The following CDH13 variants were observed in gnomAD, a reference collection of about 807,000 sequenced individuals.
CDH13 encodes the protein cadherin 13, also known as cadherin-13.
A neutral mutation model predicts 63.8 loss-of-function variants in CDH13; 24 were observed. The observed-to-expected ratio is 0.38, with a 90% CI of 0.27 to 0.53. The LOEUF is 0.53. Ranked by LOEUF, CDH13 falls within the 20% of genes least tolerant of loss-of-function variation. The probability of loss-of-function intolerance (pLI) is 0.85; values close to 1 mark genes in which losing one functional copy is unlikely to be tolerated. For synonymous variants in CDH13, 503 were observed against 355.3 expected (o/e 1.42, Z -4.67); for missense variants, 1,049 against 903.1 (o/e 1.16, Z -2.07).
At chr16:82,863,255 C>T (rs1797274714) in intron 2 of CDH13, among the ~76,000 whole-genome samples, 1 of 152,138 alleles carries the variant, frequency 6.6e-6, no homozygotes, top group Non-Finnish European at 1.5e-5. Flanking sequence ...AGAGCAAGGT[C>T]GTGCACCTGC....
At chr16:83,099,859 G>T (rs528021524) in intron 3 of CDH13, among the ~76,000 whole-genome samples, 128 of 152,260 alleles carry the variant, frequency 8.4e-4, no homozygotes, top group African/African-American at 2.9e-3. Flanking sequence ...CTCAGTAAGA[G>T]TGAGGAGGTG....
At chr16:83,051,551 C>G (rs563203714) in intron 3 of CDH13, among the ~76,000 whole-genome samples, 1 of 152,296 alleles carries the variant, frequency 6.6e-6, no homozygotes, top group East Asian at 1.9e-4. Context: ...ACAGAAACAT[C>G]ATATACTTAC....
chr16:83,034,269 G>C (rs1222455385), intron 3 of CDH13, among the ~76,000 whole-genome samples: 1 of 152,074 alleles, frequency 6.6e-6, no homozygotes, highest in East Asian at 1.9e-4. Flanking sequence ...TCATTTAGTG[G>C]TGTTTCTGAG....
At chr16:82,891,717 G>A (rs1193895321) in intron 2 of CDH13, among the ~76,000 whole-genome samples, 2 of 152,152 alleles carry the variant, frequency 1.3e-5, no homozygotes, top group South Asian at 4.1e-4. Flanking sequence ...TACTGTCGTG[G>A]TTCTCACCTA....
At chr16:83,131,015 T>A (rs998290948) in intron 4 of CDH13, among the ~76,000 whole-genome samples, 1 of 152,192 alleles carries the variant, frequency 6.6e-6, no homozygotes, top group Non-Finnish European at 1.5e-5. Context: ...TCTTGACTGA[T>A]ACATAATTTA....
At chr16:82,968,615 T>G (rs1908221580) in intron 2 of CDH13, among the ~76,000 whole-genome samples, 1 of 152,206 alleles carries the variant, frequency 6.6e-6, no homozygotes, top group Non-Finnish European at 1.5e-5. Context: ...AACATGGATT[T>G]AGATTCCAAG....
chr16:82,996,839 G>T lies in CDH13; in HGVS notation c.158-35171G>T, dbSNP rs562718087. Among the ~76,000 whole-genome samples the T allele has an allele frequency of 1.9e-4, 29 of 152,092 alleles. 1 individual carries two copies. The highest frequency in any genetic ancestry group is 6.0e-4 in the African/African-American group (25 of 41,502). ...TGATGATGATAGTGATGGTGATGGT[G>T]GTGATAGTAATGATTACGGTGGTGG... On this transcript the variant is annotated intron_variant, in intron 2 of 13. Transcript: ENST00000567109.
intron 2 of CDH13, among the ~76,000 whole-genome samples, chr16:82,894,418 G>T (rs1210113304): frequency 6.6e-6 from 1 of 152,118 alleles, no homozygotes; most frequent in African/African-American, 2.4e-5. Flanking sequence ...GAGGCGAGTG[G>T]ATCACCTGAA....
chr16:83,785,177 A>G (rs1048788651), intron 13 of CDH13, among the ~76,000 whole-genome samples: 7 of 152,236 alleles, frequency 4.6e-5, no homozygotes, highest in Non-Finnish European at 8.8e-5. Flanking sequence ...CATTCGGGCT[A>G]CTATAACAAA....
intron 3 of CDH13, among the ~76,000 whole-genome samples, chr16:83,045,555 C>T (rs552168678): frequency 4.7e-5 from 7 of 148,128 alleles, no homozygotes; most frequent in Admixed American, 6.8e-5. Context: ...GAGAATCGCT[C>T]GAACTCAGGA....
At chr16:83,371,884 G>C (rs370798603) in intron 6 of CDH13, among the ~76,000 whole-genome samples, 13 of 152,050 alleles carry the variant, frequency 8.5e-5, no homozygotes, top group African/African-American at 2.9e-4. Context: ...TGTATTTAAA[G>C]GAACAAGAAC....
intron 6 of CDH13, among the ~76,000 whole-genome samples, chr16:83,370,915 T>C (rs930763747): frequency 3.3e-5 from 5 of 152,204 alleles, no homozygotes; most frequent in African/African-American, 4.8e-5. Flanking sequence ...CTACTGTGAA[T>C]AGTGCTGCAG....
At chr16:83,377,583 A>T (rs1357154659) in intron 6 of CDH13, among the ~76,000 whole-genome samples, 1 of 152,194 alleles carries the variant, frequency 6.6e-6, no homozygotes, top group African/African-American at 2.4e-5. Context: ...CAAATTTTCT[A>T]ACATGCAACC....
At chr16:83,696,886 G>T (rs557466530) in intron 10 of CDH13, among the ~76,000 whole-genome samples, 3 of 152,080 alleles carry the variant, frequency 2.0e-5, no homozygotes, top group African/African-American at 4.8e-5. Flanking sequence ...AAGCCCTTCA[G>T]TGCCTCCCAT....
At chr16:83,139,647 A>G (rs900186255) in intron 4 of CDH13, among the ~76,000 whole-genome samples, 6 of 152,074 alleles carry the variant, frequency 3.9e-5, no homozygotes, top group African/African-American at 1.2e-4. Context: ...TTTTCTTATT[A>G]TAAGAGTAAT....
intron 7 of CDH13, among the ~76,000 whole-genome samples, chr16:83,489,380 C>A (rs891746078): frequency 6.6e-6 from 1 of 152,156 alleles, no homozygotes; most frequent in South Asian, 2.1e-4. Flanking sequence ...ATTGGAAAAT[C>A]AATGAAAATG....
intron 6 of CDH13, among the ~76,000 whole-genome samples, chr16:83,444,365 G>T (rs1232293629): frequency 3.9e-5 from 6 of 152,152 alleles, no homozygotes; most frequent in African/African-American, 1.4e-4. Flanking sequence ...TACATGCTGT[G>T]ATTTTCCCAT....
chr16:83,591,795 G>A (rs79392712), intron 7 of CDH13, among the ~76,000 whole-genome samples: 8,478 of 152,260 alleles, frequency 0.056, 359 homozygotes, highest in Admixed American at 0.14. Context: ...CACCCAAGCC[G>A]TGGCTTCCTT....
In CDH13 at chr16:82,804,541, C is replaced by T. The variant is rs533845458; in HGVS notation, c.46-53821C>T. Among the ~76,000 whole-genome samples, 98 of 152,242 alleles carry T rather than the reference C, an allele frequency of 6.4e-4. 1 individual carries two copies. Among genetic ancestry groups the T allele is most frequent in the African/African-American group, 1.8e-3 (74 of 41,556 alleles). ...TCATATCCTCAGGTCATCATGGATT[C>T]GGATCCTAGTTCTCTTGTGTGAACA... is the stretch of plus-strand genomic sequence containing the variant. On this transcript the variant is annotated intron_variant, in intron 1 of 13. Transcript: ENST00000567109.
Sources: allele counts gnomAD v4.1 joint callset (sites outside exome capture counted in the v4.1 genomes callset), GRCh38; gene constraint gnomAD v4.1.1; transcripts MANE v1.5; gene names NCBI Gene and HGNC (gene_info 2026-07-23, HGNC 2026-07-21).